The following KPNA4 variants were observed in gnomAD, a reference collection of about 807,000 sequenced individuals.
The protein encoded by KPNA4 is karyopherin subunit alpha 4.
KPNA4 carries 13 observed loss-of-function variants against 71.3 expected under a neutral mutation model. That is an observed-to-expected ratio of 0.18 (90% confidence interval 0.12 to 0.29). The LOEUF is 0.29. Among genes scored for constraint, KPNA4 ranks in the 10% least tolerant of loss-of-function variants. The probability of loss-of-function intolerance (pLI) is 1.00; values close to 1 mark genes in which losing one functional copy is unlikely to be tolerated. For missense variants in KPNA4, 334 were observed against 603.2 expected (o/e 0.55, Z 4.67); for synonymous variants, 189 against 195.2 (o/e 0.97, Z 0.26).
At chr3:160,505,899 T>G (rs1206257146) in intron 15 of KPNA4, among the ~76,000 whole-genome samples, 2 of 152,210 alleles carry the variant, frequency 1.3e-5, no homozygotes, top group Non-Finnish European at 2.9e-5. Flanking sequence ...GGAAATTTCA[T>G]AGCTACCTAA....
At position 160,497,715 on chromosome 3, in the gene KPNA4, C is replaced by CA. The variant is rs998033176; in HGVS notation, c.*4388dup. The CA allele has an allele frequency of 1.3e-5, 2 of 152,000 alleles. No individual in the cohort carries two copies. The highest frequency in any genetic ancestry group is 2.9e-5 in the Non-Finnish European group (2 of 68,006). The allele number at this position is 152,000 out of a possible 1,614,324, so 9.4% of individuals were successfully genotyped here. Reference sequence around the variant, plus strand: ...AATAAGTAAAATAATCAAGAAGTTACAAAAAGGATAAGATACTCAGCTATC... The same window carrying CA: ...AATAAGTAAAATAATCAAGAAGTTACAAAAAAGGATAAGATACTCAGCTATC... On this transcript the variant is annotated 3_prime_UTR_variant, in exon 17 of 17. Coordinates refer to ENST00000334256, the MANE Select transcript of KPNA4 (RefSeq NM_002268.5).
chr3:160,499,147 G>A lies in KPNA4; in HGVS notation c.*2957C>T, dbSNP rs1377935143. 6.6e-6 allele frequency: 1 copy of A among 152,136 alleles called. No homozygotes were observed. Among genetic ancestry groups the A allele is most frequent in the African/African-American group, 2.4e-5 (1 of 41,418 alleles). The allele number at this position is 152,136 out of a possible 1,614,324, so 9.4% of individuals were successfully genotyped here. A position where few individuals can be genotyped will look rare whatever the true frequency, so the allele number is the denominator to read the frequency against. On this transcript the variant is annotated 3_prime_UTR_variant, in exon 17 of 17. Coordinates refer to ENST00000334256, the MANE Select transcript of KPNA4 (RefSeq NM_002268.5). ...CTAGATCCATTTTTAATGATTCATA[G>A]ATAGCTCTAATTATAGAAATGCTCC...
chr3:160,544,900 C>A (rs1198442347), intron 1 of KPNA4, among the ~76,000 whole-genome samples: 1 of 151,980 alleles, frequency 6.6e-6, no homozygotes. Flanking sequence ...TAAACTCAAA[C>A]TCATGGTTTT....
intron 15 of KPNA4, among the ~76,000 whole-genome samples, chr3:160,505,902 C>T (rs1003242599): frequency 1.6e-4 from 25 of 152,178 alleles, no homozygotes; most frequent in African/African-American, 6.0e-4. Context: ...AATTTCATAG[C>T]TACCTAAAAC....
At chr3:160,553,655 CCA>C (rs1263429289) in intron 1 of KPNA4, among the ~76,000 whole-genome samples, 1 of 152,084 alleles carries the variant, frequency 6.6e-6, no homozygotes, top group Non-Finnish European at 1.5e-5. Context: ...AAACAAGTCC[CCA>C]CTAGGATAGG....
intron 11 of KPNA4, 71 bp downstream of exon 11, chr3:160,521,708 C>T: frequency 7.4e-7 from 1 of 1,350,140 alleles, no homozygotes; most frequent in Non-Finnish European, 1.0e-6. Flanking sequence ...TGAAATTGTC[C>T]ATCTTTGAAT....
rs114947419 is a variant in KPNA4 at position 160,556,400 on chromosome 3, C to A, written c.69+8814G>T. Among the ~76,000 whole-genome samples the A allele has an allele frequency of 7.4e-3, 1,129 of 152,276 alleles. 17 individuals are homozygous for A. Among genetic ancestry groups the A allele is most frequent in the African/African-American group, 0.025 (1,043 of 41,546 alleles). On this transcript the variant is annotated intron_variant, in intron 1 of 16. Transcript: ENST00000334256. ...ACACCTGTTATTTTCTTTTTATATA[C>A]TGCCATCCTAGTGGGTGTAAAGTGG...
At chr3:160,526,296 ATTCTTT>A (rs1721459957) in intron 8 of KPNA4, among the ~76,000 whole-genome samples, 189 bp from the exon 9 acceptor site, 1 of 152,210 alleles carries the variant, frequency 6.6e-6, no homozygotes, top group Non-Finnish European at 1.5e-5. Context: ...GTGATAAGGT[ATTCTTT>A]TGCACATTAT....
Position 160,495,737 on chromosome 3 carries a change from T to C in KPNA4, c.*6367A>G, listed in dbSNP as rs1306048905. 1 of 151,034 alleles carries C rather than the reference T, an allele frequency of 6.6e-6. No homozygotes were observed. Among genetic ancestry groups the C allele is most frequent in the African/African-American group, 2.4e-5 (1 of 41,014 alleles). 9.4% of individuals were successfully genotyped at this position (151,034 alleles called of 1,614,324 possible). On this transcript the variant is annotated 3_prime_UTR_variant, in exon 17 of 17. Transcript: ENST00000334256. ...ATGTGTGGCGGAATATACCCATTTA[T>C]GAAGGCAGCACATCGGCAAGTAAAA...
chr3:160,508,490 G>A (rs1268955895), intron 14 of KPNA4, among the ~76,000 whole-genome samples: 1 of 151,880 alleles, frequency 6.6e-6, no homozygotes, highest in Non-Finnish European at 1.5e-5. Flanking sequence ...TTAAAATAAA[G>A]GAATCACTCA....
At chr3:160,515,060 CA>C (rs1425440381) in intron 12 of KPNA4, 1 of 519,312 alleles carries the variant, frequency 1.9e-6, no homozygotes, top group Non-Finnish European at 3.8e-6. Flanking sequence ...ACTCCAATAT[CA>C]GCATCACCAG....
chr3:160,513,184 T>C (rs970804627), intron 13 of KPNA4, among the ~76,000 whole-genome samples: 1 of 151,844 alleles, frequency 6.6e-6, no homozygotes, highest in Non-Finnish European at 1.5e-5. Context: ...AACAGATTTA[T>C]CTTCTCTTTA....
intron 1 of KPNA4, among the ~76,000 whole-genome samples, chr3:160,546,706 G>A (rs1721916951): frequency 6.6e-6 from 1 of 151,784 alleles, no homozygotes. Flanking sequence ...TTCCGATATC[G>A]CTCCCCACCC....
At chr3:160,520,609 T>C (rs1428484347) in intron 11 of KPNA4, among the ~76,000 whole-genome samples, 1 of 143,684 alleles carries the variant, frequency 7.0e-6, no homozygotes, top group East Asian at 2.0e-4. Flanking sequence ...TTCTTTAAAG[T>C]GCTTTAATTT....
chr3:160,555,276 C>T (rs1173062827), intron 1 of KPNA4, among the ~76,000 whole-genome samples: 1 of 152,200 alleles, frequency 6.6e-6, no homozygotes, highest in African/African-American at 2.4e-5. Context: ...TATTTATTTA[C>T]TATATCCTCT....
intron 11 of KPNA4, among the ~76,000 whole-genome samples, chr3:160,517,891 C>G (rs967809397): frequency 1.4e-4 from 21 of 151,964 alleles, no homozygotes; most frequent in Non-Finnish European, 2.6e-4. Context: ...TTTTCTAATA[C>G]CTATTCTCTT....
intron 11 of KPNA4, among the ~76,000 whole-genome samples, chr3:160,520,578 C>G (rs538108751): frequency 6.6e-6 from 1 of 151,772 alleles, no homozygotes; most frequent in East Asian, 1.9e-4. Context: ...TTAATTCTTT[C>G]TGTATTTAGC....
intron 10 of KPNA4, among the ~76,000 whole-genome samples, chr3:160,524,501 C>T (rs1721422572): frequency 6.6e-6 from 1 of 152,090 alleles, no homozygotes. Context: ...ATCACTATGC[C>T]TGGCTAATTT....
chr3:160,508,713 T>A (rs1002555839), intron 14 of KPNA4, among the ~76,000 whole-genome samples: 1 of 151,646 alleles, frequency 6.6e-6, no homozygotes, highest in Non-Finnish European at 1.5e-5. Flanking sequence ...GAGACGGGGG[T>A]CTCACTATGT....
Sources: gnomAD v4.1 joint callset for allele counts (sites outside exome capture counted in the v4.1 genomes callset) on GRCh38, gnomAD v4.1.1 for gene constraint, MANE v1.5 for transcripts, NCBI Gene and HGNC (gene_info 2026-07-23, HGNC 2026-07-21) for gene names.